ZMIZ1: variants seen among roughly 807,000 people sequenced by gnomAD.
ZMIZ1 encodes the protein zinc finger MIZ domain-containing protein 1.
ZMIZ1 carries 17 observed loss-of-function variants against 113.9 expected under a neutral mutation model. The ratio of observed to expected loss-of-function variants is 0.15; its 90% CI spans 0.10 to 0.22. The LOEUF (loss-of-function observed/expected upper bound fraction) is 0.22. Ranked by LOEUF, ZMIZ1 falls within the 10% of genes least tolerant of loss-of-function variation. The pLI is 1.00. For missense variants in ZMIZ1, 1,059 were observed against 1,477.8 expected, an observed-to-expected ratio of 0.72 and a Z score of 4.65; for synonymous variants, 607 against 603.1, an observed-to-expected ratio of 1.01 and a Z score of -0.09.
In ZMIZ1 at chr10:79,265,546, C is replaced by G. The variant is rs1004716360; in HGVS notation, c.281-11635C>G. Reference sequence around the variant, plus strand: ...ACAGGGAGCAGAACATGGGAATGATCTAGAAAACTCAGGAGGAGCTGAAAC... The same window carrying G: ...ACAGGGAGCAGAACATGGGAATGATGTAGAAAACTCAGGAGGAGCTGAAAC... On this transcript the variant is annotated intron_variant, in intron 7 of 24. Coordinates refer to ENST00000334512, the MANE Select transcript of ZMIZ1 (RefSeq NM_020338.4). Among the ~76,000 whole-genome samples, 4 of 142,726 alleles carry G rather than the reference C, an allele frequency of 2.8e-5. No homozygotes were observed. In the Admixed American group the frequency reaches 2.9e-4, roughly 11 times the overall value. The allele number at this position is 142,726 out of a possible 152,430, so 93.6% of individuals were successfully genotyped here.
intron 7 of ZMIZ1, among the ~76,000 whole-genome samples, chr10:79,245,548 G>C (rs943790649): frequency 6.6e-6 from 1 of 152,202 alleles, no homozygotes; most frequent in Non-Finnish European, 1.5e-5. Flanking sequence ...GGGATTGAAA[G>C]AGCACTTCCA....
At chr10:79,163,358 G>A (rs949572200) in intron 4 of ZMIZ1, among the ~76,000 whole-genome samples, 7 of 152,246 alleles carry the variant, frequency 4.6e-5, no homozygotes, top group African/African-American at 1.7e-4. Context: ...GCATGACCTT[G>A]GGCCAGTCCC....
chr10:79,277,836 C>G (rs555832592), intron 8 of ZMIZ1, among the ~76,000 whole-genome samples: 1 of 152,234 alleles, frequency 6.6e-6, no homozygotes, highest in Non-Finnish European at 1.5e-5. Flanking sequence ...CTGTGCCAGC[C>G]TCAGAAGGAG....
rs779826104 is a variant in ZMIZ1, at chr10:79,296,036, G to C, written c.1231-435G>C. 2.5e-5 allele frequency: 5 copies of C among 203,452 alleles called. No homozygotes were observed. The South Asian group carries it at 2.7e-4, about 11-fold the overall frequency. 12.6% of individuals were successfully genotyped at this position (203,452 alleles called of 1,614,324 possible). A position where few individuals can be genotyped will look rare whatever the true frequency, so the allele number is the denominator to read the frequency against. On this transcript the variant is annotated intron_variant, in intron 12 of 24. Coordinates refer to ENST00000334512, the MANE Select transcript of ZMIZ1 (RefSeq NM_020338.4). The surrounding 1 kb of genome is among the most constrained non-coding windows in gnomAD (Gnocchi z 4.1). ...GACAATGCCACCCAAGTTCAGCCTT[G>C]GAATGCAGGGGCACAGGGGGCTCCT...
At chr10:79,260,785 A>G (rs1851216587) in intron 7 of ZMIZ1, among the ~76,000 whole-genome samples, 1 of 152,238 alleles carries the variant, frequency 6.6e-6, no homozygotes, top group Non-Finnish European at 1.5e-5. Context: ...TGTAGTACTT[A>G]TGTAAATGAA....
chr10:79,080,667 G>A (rs554149746), intron 1 of ZMIZ1, among the ~76,000 whole-genome samples: 3 of 152,254 alleles, frequency 2.0e-5, no homozygotes, highest in South Asian at 2.1e-4. Flanking sequence ...TGAGTTTGAC[G>A]TCAGTTTATC....
At chr10:79,273,546 C>T (rs765009687) in intron 7 of ZMIZ1, among the ~76,000 whole-genome samples, 2 of 152,088 alleles carry the variant, frequency 1.3e-5, no homozygotes, top group African/African-American at 2.4e-5. Flanking sequence ...TTAGTAGAGA[C>T]AGCATTTCAT....
chr10:79,277,064 G>A (rs752457307), intron 7 of ZMIZ1, 117 bp from the exon 8 acceptor site: 75 of 1,321,732 alleles, frequency 5.7e-5, no homozygotes, highest in East Asian at 1.4e-4. Flanking sequence ...GGCGTCACAC[G>A]AATCTGGGAG....
chr10:79,298,538 C>T lies in ZMIZ1; in HGVS notation c.1624C>T (p.Pro542Ser). ...CCAAGACGTCAAACCACCCTTCCCG[C>T]CTGACATCAAGCCAAATATGAGCGC... ...PSQDVKPPFP[P>S]DIKPNMSALP... The change falls in exon 15 of 25, where the codon CCT becomes TCT. Residue 542 changes from proline to serine, a missense_variant. Physicochemically the swap from Pro to Ser is moderately conservative, Grantham distance 74. This residue lies in a region of ZMIZ1 where 239 missense variants were observed against 247.5 expected (regional missense o/e 0.97). Coordinates refer to ENST00000334512, the MANE Select transcript of ZMIZ1 (RefSeq NM_020338.4). 1 of 1,602,128 alleles carries T rather than the reference C, an allele frequency of 6.2e-7. No individual in the cohort carries two copies. The highest frequency in any genetic ancestry group is 8.5e-7 in the Non-Finnish European group (1 of 1,174,870).
intron 7 of ZMIZ1, among the ~76,000 whole-genome samples, chr10:79,260,389 C>A (rs372648463): frequency 2.0e-5 from 3 of 152,100 alleles, no homozygotes; most frequent in Non-Finnish European, 4.4e-5. Context: ...TGGGGAGGTA[C>A]GACAATTCAT....
At chr10:79,093,618 C>T (rs749781311) in intron 1 of ZMIZ1, among the ~76,000 whole-genome samples, 1 of 152,172 alleles carries the variant, frequency 6.6e-6, no homozygotes, top group Non-Finnish European at 1.5e-5. Flanking sequence ...TGAGCCACCA[C>T]GCCTGGCCTG....
Position 79,277,199 on chromosome 10 carries a change from G to A in ZMIZ1, c.299G>A (p.Cys100Tyr). The change falls in exon 8 of 25, where the codon TGC becomes TAC. Residue 100 changes from cysteine (C) to tyrosine (Y), a missense_variant. Physicochemically the swap from Cys to Tyr is radical, Grantham distance 194. Coordinates refer to ENST00000334512, the MANE Select transcript of ZMIZ1 (RefSeq NM_020338.4). ...PKSAALLSSW[C>Y]EELGRLLLLR... ...CCTGCAGCCTTGTTGTCCTCCTGGT[G>A]CGAAGAGCTCGGCCGCCTGCTGCTG... 6.4e-7 allele frequency: 1 copy of A among 1,559,218 alleles called. No individual in the cohort carries two copies. Among genetic ancestry groups the A allele is most frequent in the Non-Finnish European group, 8.7e-7 (1 of 1,152,984 alleles).
chr10:79,289,688 G>T, intron 8 of ZMIZ1, 87 bp from the exon 9 acceptor site: 1 of 1,258,920 alleles, frequency 7.9e-7, no homozygotes. Flanking sequence ...ACTGGGAGCT[G>T]CGGTCACTTG....
chr10:79,101,896 C>T (rs575961988), intron 1 of ZMIZ1, among the ~76,000 whole-genome samples: 38 of 152,338 alleles, frequency 2.5e-4, no homozygotes, highest in African/African-American at 8.9e-4. Context: ...TTACCATCAG[C>T]TGCCACAATG....
chr10:79,244,192 T>A (rs967464428), intron 7 of ZMIZ1, among the ~76,000 whole-genome samples: 1 of 152,232 alleles, frequency 6.6e-6, no homozygotes, highest in African/African-American at 2.4e-5. Flanking sequence ...CCACGGGCAC[T>A]GGTGATGCCA....
intron 10 of ZMIZ1, 79 bp from the exon 11 acceptor site, chr10:79,292,079 C>G (rs1853530480): frequency 7.2e-7 from 1 of 1,385,392 alleles, no homozygotes; most frequent in South Asian, 1.3e-5. Flanking sequence ...TCCATCATCT[C>G]CCTTCCAGCC....
chr10:79,171,823 A>G (rs1030985409), intron 4 of ZMIZ1, among the ~76,000 whole-genome samples: 8 of 151,980 alleles, frequency 5.3e-5, no homozygotes, highest in Non-Finnish European at 8.8e-5. Context: ...CTTGTACCAG[A>G]GCATCACTGG....
intron 7 of ZMIZ1, among the ~76,000 whole-genome samples, chr10:79,219,613 G>A (rs973452275): frequency 1.3e-5 from 2 of 152,258 alleles, no homozygotes; most frequent in East Asian, 1.9e-4. Context: ...TCACTTCTTC[G>A]CTTGAAACAG....
intron 4 of ZMIZ1, among the ~76,000 whole-genome samples, chr10:79,189,410 T>G (rs1459702843): frequency 6.6e-6 from 1 of 152,226 alleles, no homozygotes; most frequent in South Asian, 2.1e-4. Flanking sequence ...CAGGGCACTC[T>G]AGAGAGTGAA....
Sources: allele counts gnomAD v4.1 joint callset (sites outside exome capture counted in the v4.1 genomes callset), GRCh38; gene constraint gnomAD v4.1.1; regional missense constraint gnomAD v4.1.1; non-coding constraint Gnocchi (gnomAD v3.1); transcripts MANE v1.5; gene names NCBI Gene and HGNC (gene_info 2026-07-23, HGNC 2026-07-21).